The following SRD5A3 variants were observed in gnomAD, a reference collection of about 807,000 sequenced individuals.
SRD5A3 encodes steroid 5 alpha-reductase 3, also known as polyprenal reductase.
A neutral mutation model predicts 34.3 loss-of-function variants in SRD5A3; 24 were observed. The ratio of observed to expected loss-of-function variants is 0.70; its 90% confidence interval spans 0.51 to 0.99. The LOEUF (loss-of-function observed/expected upper bound fraction) is 0.99. Among genes scored for constraint, SRD5A3 ranks in the 50% least tolerant of loss-of-function variants. The pLI, the probability that SRD5A3 is intolerant of heterozygous loss-of-function variation, is 0.00. For missense variants in SRD5A3, 350 were observed against 388.2 expected (o/e 0.90, Z 0.83); for synonymous variants, 161 against 167.3 (o/e 0.96, Z 0.29).
Position 55,371,856 on chromosome 4 carries a change from T to C in SRD5A3, c.*1765T>C, listed in dbSNP as rs1180900726. The C allele has an allele frequency of 6.6e-6, 1 of 152,230 alleles. No individual in the cohort carries two copies. The highest frequency in any genetic ancestry group is 2.4e-5 in the African/African-American group (1 of 41,452). The allele number at this position is 152,230 out of a possible 1,614,324, so 9.4% of individuals were successfully genotyped here. A position where few individuals can be genotyped will look rare whatever the true frequency, so the allele number is the denominator to read the frequency against. ...TTTTAGTAGAGATAGAGTTTCACCA[T>C]GTTGGCCAGGCTGGTCTCAAACTCC... On this transcript the variant is annotated 3_prime_UTR_variant, in exon 5 of 5. Coordinates refer to ENST00000264228, the MANE Select transcript of SRD5A3 (RefSeq NM_024592.5).
intron 1 of SRD5A3, among the ~76,000 whole-genome samples, chr4:55,349,210 T>A (rs1719100777): frequency 6.6e-6 from 1 of 152,080 alleles, no homozygotes; most frequent in South Asian, 2.1e-4. Context: ...AATTTTTGTA[T>A]TTTTTAGTGG....
intron 1 of SRD5A3, among the ~76,000 whole-genome samples, chr4:55,347,129 A>C (rs1719026938): frequency 6.6e-6 from 1 of 152,242 alleles, no homozygotes; most frequent in Admixed American, 6.5e-5. Context: ...CCCAAGGTGC[A>C]GGTCATAGGC....
intron 2 of SRD5A3, among the ~76,000 whole-genome samples, chr4:55,361,851 C>T (rs993013060): frequency 6.6e-6 from 1 of 152,110 alleles, no homozygotes; most frequent in African/African-American, 2.4e-5. Context: ...GGGTAGGCTA[C>T]ATCAGCGGAT....
intron 1 of SRD5A3, among the ~76,000 whole-genome samples, chr4:55,355,109 G>A (rs1407248035): frequency 6.6e-6 from 1 of 152,230 alleles, no homozygotes; most frequent in Non-Finnish European, 1.5e-5. Flanking sequence ...TTGGCTTTTG[G>A]AGGCTCAAGC....
chr4:55,350,091 T>C (rs1258279158), intron 1 of SRD5A3, among the ~76,000 whole-genome samples: 3 of 152,078 alleles, frequency 2.0e-5, no homozygotes, highest in African/African-American at 7.2e-5. Context: ...TATTACAGGC[T>C]GGGTGCAGTG....
chr4:55,364,203 T>A lies in SRD5A3; in HGVS notation c.494T>A (p.Phe165Tyr). 6.2e-7 allele frequency: 1 copy of A among 1,614,180 alleles called. No homozygotes were observed. The highest frequency in any genetic ancestry group is 8.5e-7 in the Non-Finnish European group (1 of 1,180,034). ...NVMIHVVQYC[F>Y]GLVYYVLVGL... The stretch of plus-strand genomic sequence containing the variant: ...ATGATTCACGTCGTGCAGTACTGTT[T>A]TGGACTTGTCTATTATGTCCTTGTT... Residue 165 changes from phenylalanine (F) to tyrosine (Y), a missense_variant, in exon 3 of 5, where the codon TTT becomes TAT. Physicochemically the swap from Phe to Tyr is conservative, Grantham distance 22. This residue lies in a region of SRD5A3 where 186 missense variants were observed against 221.4 expected (regional missense o/e 0.84). Coordinates refer to ENST00000264228, the MANE Select transcript of SRD5A3 (RefSeq NM_024592.5).
At chr4:55,346,606 C>A in intron 1 of SRD5A3, 49 bp downstream of exon 1, 1 of 1,474,848 alleles carries the variant, frequency 6.8e-7, no homozygotes, top group East Asian at 2.9e-5. Flanking sequence ...GCTGAGAGTT[C>A]GGGGCGCCCC....
chr4:55,370,122 G>T lies in SRD5A3; in HGVS notation c.*31G>T. 1.2e-6 allele frequency: 2 copies of T among 1,611,218 alleles called. No homozygotes were observed. Among genetic ancestry groups the T allele is most frequent in the Non-Finnish European group, 1.7e-6 (2 of 1,179,754 alleles). ...CCTCAGTCATGAAGAATGCAAACCAGGTGATGGTTTCAATGCCTAAGGACA... is the reference window on the plus strand; with the variant it reads ...CCTCAGTCATGAAGAATGCAAACCATGTGATGGTTTCAATGCCTAAGGACA... On this transcript the variant is annotated 3_prime_UTR_variant, in exon 5 of 5. Coordinates refer to ENST00000264228, the MANE Select transcript of SRD5A3 (RefSeq NM_024592.5).
intron 2 of SRD5A3, among the ~76,000 whole-genome samples, chr4:55,360,211 T>A (rs575469689): frequency 7.8e-4 from 61 of 77,958 alleles, no homozygotes; most frequent in Admixed American, 8.9e-4. Context: ...CGAGACTGTG[T>A]TTCAAAAAAA....
intron 1 of SRD5A3, among the ~76,000 whole-genome samples, chr4:55,351,659 A>G (rs78737238): frequency 6.7e-6 from 1 of 148,834 alleles, no homozygotes; most frequent in Non-Finnish European, 1.5e-5. Flanking sequence ...CTTCATCTCA[A>G]AAAAAAAAAG....
chr4:55,360,039 T>C lies in SRD5A3; in HGVS notation c.364+551T>C, dbSNP rs371153147. ...CATCCTGGCTAACACGGTGAAACCC[T>C]GTCTCTACTAAAAATACAAAAAAAA... is the stretch of plus-strand genomic sequence containing the variant. On this transcript the variant is annotated intron_variant, in intron 2 of 4. Transcript: ENST00000264228. Among the ~76,000 whole-genome samples, 156 of 150,942 alleles carry C rather than the reference T, an allele frequency of 1.0e-3. 1 individual carries two copies. In the South Asian group the frequency reaches 0.017, roughly 16 times the overall value.
Position 55,367,683 on chromosome 4 carries a change from T to C in SRD5A3, c.658T>C (p.Cys220Arg). The C allele has an allele frequency of 6.2e-7, 1 of 1,613,948 alleles. No individual in the cohort carries two copies. Among genetic ancestry groups the C allele is most frequent in the Non-Finnish European group, 8.5e-7 (1 of 1,179,786 alleles). Residue 220 changes from cysteine to arginine, a missense_variant, in exon 4 of 5, where the codon TGC becomes CGC. Physicochemically the swap from Cys to Arg is radical, Grantham distance 180. Around this residue, in one of 3 missense-constraint regions of SRD5A3, gnomAD observed 186 missense variants for 221.4 expected, o/e 0.84. Coordinates refer to ENST00000264228, the MANE Select transcript of SRD5A3 (RefSeq NM_024592.5). ...CTGGTCATCTGCCCATCAGTATAAG[T>C]GCCATGTTATTCTCGGCAATCTCAG... ...FIWSSAHQYK[C>R]HVILGNLRKN...
chr4:55,353,551 T>C (rs73149737), intron 1 of SRD5A3, among the ~76,000 whole-genome samples: 3,239 of 152,296 alleles, frequency 0.021, 123 homozygotes, highest in African/African-American at 0.074. Context: ...CCTTCTACCC[T>C]GTGGAGGCTG....
At chr4:55,369,661 G>A in intron 4 of SRD5A3, 171 bp from the exon 5 acceptor site, 1 of 714,058 alleles carries the variant, frequency 1.4e-6, no homozygotes, top group East Asian at 2.7e-5. Flanking sequence ...GGCCTGGAAG[G>A]TTGAGACTAC....
intron 3 of SRD5A3, chr4:55,366,633 G>A (rs1036377587): frequency 3.9e-5 from 6 of 152,216 alleles, no homozygotes; most frequent in Non-Finnish European, 8.8e-5. Context: ...TATCATTAAC[G>A]GATTCCTGCT....
At chr4:55,355,137 A>G (rs371096591) in intron 1 of SRD5A3, among the ~76,000 whole-genome samples, 27 of 152,350 alleles carry the variant, frequency 1.8e-4, no homozygotes, top group African/African-American at 6.5e-4. Flanking sequence ...TTAAAAACAA[A>G]CAAGAGCTAT....
At position 55,353,046 on chromosome 4, in the gene SRD5A3, A is replaced by G. The variant is rs146737439; in HGVS notation, c.222-6300A>G. ...AGGGCTTTGTGTGGGAGGGGGAGGC[A>G]TTGCATTGTGTGATTTATGTTTTAA... On this transcript the variant is annotated intron_variant, in intron 1 of 4. Coordinates refer to ENST00000264228, the MANE Select transcript of SRD5A3 (RefSeq NM_024592.5). 3.5e-3 allele frequency among the ~76,000 whole-genome samples: 533 copies of G among 152,282 alleles called. 4 individuals are homozygous for G. Among genetic ancestry groups the G allele is most frequent in the African/African-American group, 0.012 (504 of 41,562 alleles).
intron 2 of SRD5A3, among the ~76,000 whole-genome samples, chr4:55,362,830 TTG>T (rs1288431744): frequency 1.3e-5 from 2 of 150,948 alleles, no homozygotes; most frequent in Non-Finnish European, 1.5e-5. Context: ...GTGTGTGTGT[TTG>T]TGTGTGAGAC....
chr4:55,367,151 G>A (rs923560319), intron 3 of SRD5A3: 2 of 214,568 alleles, frequency 9.3e-6, no homozygotes, highest in African/African-American at 4.6e-5. Flanking sequence ...TCCTTAGAAA[G>A]TGTTTTTCTT....
Sources: gnomAD v4.1 joint callset for allele counts (sites outside exome capture counted in the v4.1 genomes callset) on GRCh38, gnomAD v4.1.1 for gene constraint, gnomAD v4.1.1 regional missense constraint, MANE v1.5 for transcripts, NCBI Gene and HGNC (gene_info 2026-07-23, HGNC 2026-07-21) for gene names.